CTNNA2: variants seen among roughly 807,000 people sequenced by gnomAD.
CTNNA2 encodes the protein catenin alpha 2.
A neutral mutation model predicts 101.0 loss-of-function variants in CTNNA2; 42 were observed. That is an observed-to-expected ratio of 0.42 (90% confidence interval 0.32 to 0.54). CTNNA2 has a LOEUF of 0.54. Among genes scored for constraint, CTNNA2 ranks in the 20% least tolerant of loss-of-function variants. CTNNA2 has a pLI of 0.14. For missense variants in CTNNA2, 871 were observed against 1,223.1 expected (o/e 0.71, Z 4.29); for synonymous variants, 450 against 456.4 (o/e 0.99, Z 0.18).
intron 4 of CTNNA2, among the ~76,000 whole-genome samples, chr2:79,429,434 A>T (rs192608916): frequency 1.3e-5 from 2 of 152,244 alleles, no homozygotes; most frequent in African/African-American, 4.8e-5. Context: ...CTCAGTGCTG[A>T]TATGTAGTTT....
chr2:80,099,960 T>C (rs1452561032), intron 7 of CTNNA2, among the ~76,000 whole-genome samples: 1 of 152,046 alleles, frequency 6.6e-6, no homozygotes, highest in East Asian at 1.9e-4. Context: ...GATGAAGTCT[T>C]GCTCTGTCGC....
chr2:79,785,903 G>A (rs1172104859), intron 3 of CTNNA2, among the ~76,000 whole-genome samples: 11 of 152,132 alleles, frequency 7.2e-5, no homozygotes, highest in Non-Finnish European at 1.5e-4. Flanking sequence ...CCACTTGCAT[G>A]TTATTGTTTG....
At chr2:79,230,911 G>T (rs1219475963) in intron 2 of CTNNA2, among the ~76,000 whole-genome samples, 1 of 152,196 alleles carries the variant, frequency 6.6e-6, no homozygotes, top group Admixed American at 6.5e-5. Context: ...GGGGCCTATA[G>T]CCCCTTTGTT....
chr2:79,584,340 A>G (rs1309875602), intron 1 of CTNNA2, among the ~76,000 whole-genome samples: 1 of 152,104 alleles, frequency 6.6e-6, no homozygotes, highest in African/African-American at 2.4e-5. Context: ...GTATCCAGCC[A>G]TAATTAATGG....
intron 4 of CTNNA2, among the ~76,000 whole-genome samples, chr2:79,485,126 A>C (rs1298363897): frequency 2.0e-5 from 3 of 152,206 alleles, no homozygotes; most frequent in African/African-American, 4.8e-5. Flanking sequence ...ATGGTTGTTA[A>C]CTTTGTGTAG....
At chr2:80,079,002 C>T (rs544630021) in intron 7 of CTNNA2, among the ~76,000 whole-genome samples, 2 of 152,166 alleles carry the variant, frequency 1.3e-5, no homozygotes, top group African/African-American at 4.8e-5. Context: ...TATGCTTTGC[C>T]CTACCTTTGA....
chr2:79,744,006 C>T (rs1323759626), intron 2 of CTNNA2, among the ~76,000 whole-genome samples: 1 of 152,158 alleles, frequency 6.6e-6, no homozygotes, highest in Non-Finnish European at 1.5e-5. Flanking sequence ...TCTCCTAGCT[C>T]AATACTCAGA....
At position 80,022,162 on chromosome 2, in the gene CTNNA2, T is replaced by C. The variant is rs146659885; in HGVS notation, c.1056+112365T>C. On this transcript the variant is annotated intron_variant, in intron 7 of 18. Transcript: ENST00000402739. ...CAGCACCGGTCATTGAAAATTAATC[T>C]TGTGGGTTTATATGACAGCACTGAT... 3.0e-3 allele frequency among the ~76,000 whole-genome samples: 461 copies of C among 152,358 alleles called. 2 individuals are homozygous for C. Among genetic ancestry groups the C allele is most frequent in the African/African-American group, 0.011 (446 of 41,586 alleles).
intron 7 of CTNNA2, among the ~76,000 whole-genome samples, chr2:80,384,337 C>A (rs910290258): frequency 1.3e-5 from 2 of 150,474 alleles, no homozygotes; most frequent in African/African-American, 2.4e-5. Flanking sequence ...ATGTGTGTGA[C>A]ACAAAATGTG....
chr2:80,149,612 G>A (rs1416461110), intron 7 of CTNNA2, among the ~76,000 whole-genome samples: 1 of 152,132 alleles, frequency 6.6e-6, no homozygotes, highest in Non-Finnish European at 1.5e-5. Flanking sequence ...CACCATTTGT[G>A]TAGCATACTT....
At chr2:80,402,085 C>G (rs1221602054) in intron 8 of CTNNA2, among the ~76,000 whole-genome samples, 1 of 152,164 alleles carries the variant, frequency 6.6e-6, no homozygotes, top group African/African-American at 2.4e-5. Flanking sequence ...TTATCCCTCC[C>G]TCAGGTCCAC....
intron 9 of CTNNA2, among the ~76,000 whole-genome samples, chr2:80,535,591 C>G (rs1690939707): frequency 6.6e-6 from 1 of 152,096 alleles, no homozygotes; most frequent in African/African-American, 2.4e-5. Flanking sequence ...CCAGGTCTTA[C>G]CAATTATGAT....
chr2:80,055,926 G>A (rs1000449028), intron 7 of CTNNA2, among the ~76,000 whole-genome samples: 5 of 152,216 alleles, frequency 3.3e-5, no homozygotes, highest in Non-Finnish European at 5.9e-5. Flanking sequence ...CTAAGCCAGA[G>A]AGTACAGGTG....
chr2:80,011,038 T>C (rs1693738675), intron 7 of CTNNA2, among the ~76,000 whole-genome samples: 1 of 152,016 alleles, frequency 6.6e-6, no homozygotes, highest in Non-Finnish European at 1.5e-5. Context: ...ATGAAAAACA[T>C]GGAATTCACT....
chr2:80,070,783 T>C (rs1698289094), intron 7 of CTNNA2, among the ~76,000 whole-genome samples: 1 of 151,310 alleles, frequency 6.6e-6, no homozygotes, highest in East Asian at 1.9e-4. Flanking sequence ...AGACTCATAC[T>C]CCCCCTGAAG....
intron 7 of CTNNA2, among the ~76,000 whole-genome samples, chr2:80,116,754 G>A (rs1051764236): frequency 2.0e-5 from 3 of 152,194 alleles, no homozygotes; most frequent in African/African-American, 7.2e-5. Flanking sequence ...CTACATTCAT[G>A]TGAGGAGAGG....
At chr2:80,444,073 A>C (rs956952841) in intron 9 of CTNNA2, among the ~76,000 whole-genome samples, 1 of 152,210 alleles carries the variant, frequency 6.6e-6, no homozygotes, top group Non-Finnish European at 1.5e-5. Context: ...AATCCTGTGC[A>C]CTTTCTACTC....
chr2:79,414,097 A>G (rs552885924), intron 4 of CTNNA2, among the ~76,000 whole-genome samples: 1 of 151,870 alleles, frequency 6.6e-6, no homozygotes, highest in Non-Finnish European at 1.5e-5. Flanking sequence ...CATATATATA[A>G]AATTTAGGAA....
At chr2:80,559,157 A>G (rs192660043) in intron 12 of CTNNA2, among the ~76,000 whole-genome samples, 5 of 152,340 alleles carry the variant, frequency 3.3e-5, no homozygotes, top group African/African-American at 1.2e-4. Flanking sequence ...TACTGCCCTA[A>G]AGTAAAGAAA....
Sources: allele counts gnomAD v4.1 joint callset (sites outside exome capture counted in the v4.1 genomes callset), GRCh38; gene constraint gnomAD v4.1.1; transcripts MANE v1.5; gene names NCBI Gene and HGNC (gene_info 2026-07-23, HGNC 2026-07-21).